CCDC157: variants seen among roughly 807,000 people sequenced by gnomAD.
CCDC157 encodes coiled-coil domain-containing protein 157.
Under a neutral mutation model 70.9 loss-of-function variants are expected in CCDC157, and 60 were observed. That is an observed-to-expected ratio of 0.85 (90% CI 0.69 to 1.05). CCDC157 has a LOEUF of 1.05. Ranked by LOEUF, CCDC157 falls within the 50% of genes least tolerant of loss-of-function variation. CCDC157 has a pLI of 0.00. For missense variants in CCDC157, 943 were observed against 984.2 expected (o/e 0.96, Z 0.56); for synonymous variants, 373 against 422.4 (o/e 0.88, Z 1.43).
Position 30,366,151 on chromosome 22 carries a change from G to A in CCDC157, c.151G>A (p.Asp51Asn), listed in dbSNP as rs740223. ...CCCTGACCGCATGGCCTGTGACCTC[G>A]ACATGGTGGCCCTGCTGGAGCACTA... is the stretch of plus-strand genomic sequence containing the variant. ...KFPDRMACDL[D>N]MVALLEHYDH... Residue 51 changes from aspartate (D) to asparagine (N), a missense_variant, in exon 3 of 12, where the codon GAC becomes AAC. Physicochemically the swap from Asp to Asn is conservative, Grantham distance 23. Coordinates refer to ENST00000338306, the MANE Select transcript of CCDC157 (RefSeq NM_001017437.5). 0.22 allele frequency: 357,633 copies of A among 1,613,584 alleles called. 41,813 individuals are homozygous for A. The highest frequency in any genetic ancestry group is 0.27 in the Middle Eastern group (1,632 of 6,062).
chr22:30,370,255 C>T, intron 4 of CCDC157, 71 bp from the exon 5 acceptor site: 1 of 1,528,532 alleles, frequency 6.5e-7, no homozygotes, highest in East Asian at 2.3e-5. Flanking sequence ...CAGAACATCC[C>T]CCAGGGAACC....
chr22:30,371,237 C>A (rs1368028366), intron 5 of CCDC157: 2 of 526,750 alleles, frequency 3.8e-6, no homozygotes, highest in Non-Finnish European at 6.8e-6. Context: ...CTTGCACTGT[C>A]AGTCATTGAG....
At chr22:30,366,519 C>T (rs1377309724) in intron 3 of CCDC157, 1 of 526,302 alleles carries the variant, frequency 1.9e-6, no homozygotes, top group East Asian at 3.4e-5. Context: ...CTCTGTGGCA[C>T]CACAGCTGTG....
chr22:30,370,511 CTTCAAGAACACCAGGAG>C lies in CCDC157; in HGVS notation c.608_624del (p.Phe203CysfsTer7), dbSNP rs1404664989. 3.7e-6 allele frequency: 6 copies of C among 1,614,142 alleles called. No homozygotes were observed. Among genetic ancestry groups the C allele is most frequent in the Non-Finnish European group, 5.1e-6 (6 of 1,180,040 alleles). On this transcript the variant is annotated frameshift_variant, in exon 5 of 12. Transcript: ENST00000338306. LOFTEE classifies it high-confidence loss of function. ...CCTCCCTGCAGTTCCCAGCCACGAC[CTTCAAGAACACCAGGAG>C]TGTCCACTCCCAGACCATTGAGACG...
At chr22:30,373,408 A>T in intron 7 of CCDC157, 189 bp from the exon 8 acceptor site, 1 of 622,756 alleles carries the variant, frequency 1.6e-6, no homozygotes, top group Non-Finnish European at 2.8e-6. Context: ...TCCGGTGTGC[A>T]TCTGCCTGCT....
intron 7 of CCDC157, chr22:30,372,884 G>A (rs1441946531): frequency 6.5e-6 from 1 of 153,500 alleles, no homozygotes; most frequent in Non-Finnish European, 1.4e-5. Context: ...AGAGTCCCCA[G>A]GGTCAGACAT....
At chr22:30,363,094 C>T (rs1932465974) in intron 2 of CCDC157, among the ~76,000 whole-genome samples, 3 of 152,324 alleles carry the variant, frequency 2.0e-5, no homozygotes, top group Admixed American at 2.0e-4. Context: ...CGCATAGCTG[C>T]CTGACTCCCA....
At chr22:30,366,442 C>T (rs1932743874) in intron 3 of CCDC157, 194 bp downstream of exon 3, 2 of 661,448 alleles carry the variant, frequency 3.0e-6, no homozygotes, top group African/African-American at 1.8e-5. Flanking sequence ...GTGTTGTGTG[C>T]TGTGCTATCC....
At chr22:30,376,109 A>T in intron 10 of CCDC157, 150 bp from the exon 11 acceptor site, 1 of 663,828 alleles carries the variant, frequency 1.5e-6, no homozygotes, top group South Asian at 1.9e-5. Context: ...TAGGCCCTGG[A>T]AGGCTTCCTA....
intron 3 of CCDC157, 57 bp downstream of exon 3, chr22:30,366,305 C>A (rs1488118793): frequency 1.2e-6 from 2 of 1,603,424 alleles, no homozygotes; most frequent in African/African-American, 1.3e-5. Context: ...CCCCTGAAAC[C>A]AGTGGCAGCT....
At chr22:30,365,772 C>T (rs1455898461) in intron 2 of CCDC157, among the ~76,000 whole-genome samples, 1 of 152,132 alleles carries the variant, frequency 6.6e-6, no homozygotes, top group Admixed American at 6.5e-5. Context: ...ATGGACTCTG[C>T]AGTATGTGCT....
intron 10 of CCDC157, 110 bp from the exon 11 acceptor site, chr22:30,376,149 G>C (rs545946721): frequency 1.1e-6 from 1 of 950,846 alleles, no homozygotes; most frequent in South Asian, 1.6e-5. Context: ...AGGGCCCATG[G>C]ATATGCGCCC....
At chr22:30,360,124 A>G (rs1932228434) in intron 1 of CCDC157, among the ~76,000 whole-genome samples, 2 of 152,344 alleles carry the variant, frequency 1.3e-5, no homozygotes, top group Middle Eastern at 3.4e-3. Context: ...AGCCTGAGCA[A>G]CAGAGTGAGA....
rs375409410 is a variant in CCDC157, at chr22:30,376,271, G to C, written c.1870G>C (p.Asp624His). Residue 624 changes from aspartate to histidine, a missense_variant, in exon 11 of 12, where the codon GAC becomes CAC. Physicochemically the swap from Asp to His is moderately conservative, Grantham distance 81 (BLOSUM62 -1). Transcript: ENST00000338306. Reference protein sequence around the residue: ...QQGGLKLIPQDRLWSPSSKGT... With the variant: ...QQGGLKLIPQHRLWSPSSKGT... ...TTTTTTTTTGTAGCTGATCCCGCAGGACCGGCTCTGGTCCCCTTCCAGCAA... is the reference window on the plus strand; with the variant it reads ...TTTTTTTTTGTAGCTGATCCCGCAGCACCGGCTCTGGTCCCCTTCCAGCAA... 9 of 1,603,862 alleles carry C rather than the reference G, an allele frequency of 5.6e-6. No homozygotes were observed. The highest frequency in any genetic ancestry group is 1.1e-5 in the South Asian group (1 of 90,968).
intron 7 of CCDC157, 91 bp from the exon 8 acceptor site, chr22:30,373,506 G>C (rs1396812410): frequency 2.9e-6 from 4 of 1,391,288 alleles, no homozygotes; most frequent in East Asian, 2.5e-5. Context: ...AGCAGCCGAG[G>C]GGTAGTAGAT....
At position 30,371,390 on chromosome 22, in the gene CCDC157, C is replaced by G. The variant is rs192417577; in HGVS notation, c.1046-260C>G. 1,770 of 540,946 alleles carry G rather than the reference C, an allele frequency of 3.3e-3. 29 individuals are homozygous for G. Among genetic ancestry groups the G allele is most frequent in the South Asian group, 0.023 (940 of 40,684 alleles). 33.5% of individuals were successfully genotyped at this position (540,946 alleles called of 1,614,324 possible). On this transcript the variant is annotated intron_variant, in intron 5 of 11. Transcript: ENST00000338306. Reference sequence around the variant, plus strand: ...TGATGGGAGGCCTGAGGGATTTGCCCTTTCTGAGCCTCATCACAGTTGCCT... The same window carrying G: ...TGATGGGAGGCCTGAGGGATTTGCCGTTTCTGAGCCTCATCACAGTTGCCT...
At chr22:30,371,318 G>C (rs1932929946) in intron 5 of CCDC157, 2 of 496,278 alleles carry the variant, frequency 4.0e-6, no homozygotes, top group African/African-American at 3.8e-5. Flanking sequence ...TGTGGCAAAA[G>C]CCATTAGAGA....
At chr22:30,362,485 A>G (rs560307311) in intron 2 of CCDC157, among the ~76,000 whole-genome samples, 13 of 152,138 alleles carry the variant, frequency 8.5e-5, no homozygotes, top group African/African-American at 2.4e-4. Context: ...GTGGGGAGAC[A>G]CTGAAGCTGG....
At position 30,370,564 on chromosome 22, in the gene CCDC157, CCT is replaced by C. The variant is rs1569188472; in HGVS notation, c.660_661del (p.Cys221Ter). 5.0e-6 allele frequency: 8 copies of C among 1,614,058 alleles called. No individual in the cohort carries two copies. The highest frequency in any genetic ancestry group is 6.8e-6 in the Non-Finnish European group (8 of 1,180,036). ...CAGACCATTGAGACGGCCCTGGTGC[CCT>C]GTGACGCATGCGCCAGCGTCCAGGG... is the stretch of plus-strand genomic sequence containing the variant. On this transcript the variant is annotated frameshift_variant, in exon 5 of 12. Transcript: ENST00000338306. LOFTEE classifies it high-confidence loss of function.
Sources: allele counts gnomAD v4.1 joint callset (sites outside exome capture counted in the v4.1 genomes callset), GRCh38; gene constraint gnomAD v4.1.1; transcripts MANE v1.5; gene names NCBI Gene and HGNC (gene_info 2026-07-23, HGNC 2026-07-21).